The following OXR1 variants were observed in gnomAD, a reference collection of about 807,000 sequenced individuals.
The protein encoded by OXR1 is oxidation resistance 1.
A neutral mutation model predicts 104.6 loss-of-function variants in OXR1; 41 were observed. The ratio of observed to expected loss-of-function variants is 0.39; its 90% CI spans 0.31 to 0.51. The LOEUF is 0.51. Among genes scored for constraint, OXR1 ranks in the 20% least tolerant of loss-of-function variants. OXR1 has a pLI of 0.77. For missense variants in OXR1, 955 were observed against 1,031.9 expected, an observed-to-expected ratio of 0.93 and a Z score of 1.02; for synonymous variants, 348 against 348.4, an observed-to-expected ratio of 1.00 and a Z score of 0.01.
At chr8:106,435,178 G>C (rs1280134711) in intron 2 of OXR1, among the ~76,000 whole-genome samples, 1 of 152,178 alleles carries the variant, frequency 6.6e-6, no homozygotes, top group Non-Finnish European at 1.5e-5. Flanking sequence ...TGCTGTGTTG[G>C]AGGAAGACAA....
At chr8:106,665,222 AAC>A (rs1021845385) in intron 3 of OXR1, among the ~76,000 whole-genome samples, 10 of 152,096 alleles carry the variant, frequency 6.6e-5, no homozygotes, top group African/African-American at 2.4e-4. Context: ...CACGCACACA[AAC>A]ACACACATTC....
At chr8:106,740,224 C>A in intron 13 of OXR1, 119 bp from the exon 14 acceptor site, 1 of 612,748 alleles carries the variant, frequency 1.6e-6, no homozygotes. Context: ...ATAATTTCTA[C>A]TGTTAATTTA....
intron 2 of OXR1, among the ~76,000 whole-genome samples, chr8:106,497,631 T>G (rs1201519254): frequency 6.6e-6 from 1 of 152,212 alleles, no homozygotes; most frequent in Non-Finnish European, 1.5e-5. Flanking sequence ...ACACCATAAA[T>G]GTGTATTTGA....
intron 1 of OXR1, among the ~76,000 whole-genome samples, chr8:106,315,521 C>A (rs773173522): frequency 3.3e-5 from 5 of 152,162 alleles, no homozygotes; most frequent in Non-Finnish European, 7.4e-5. Context: ...AAAAATCCTT[C>A]TTTTCTGATA....
intron 14 of OXR1, among the ~76,000 whole-genome samples, chr8:106,741,261 A>C (rs1341742478): frequency 6.6e-6 from 1 of 152,180 alleles, no homozygotes; most frequent in African/African-American, 2.4e-5. Context: ...TGAATTAGAA[A>C]TCAAACACCA....
At chr8:106,521,710 C>A (rs553868960) in intron 3 of OXR1, among the ~76,000 whole-genome samples, 5 of 152,250 alleles carry the variant, frequency 3.3e-5, no homozygotes, top group African/African-American at 1.2e-4. Context: ...AACGGGGTTT[C>A]ACTGCGTTAG....
At chr8:106,336,865 A>T (rs1009183843) in intron 1 of OXR1, among the ~76,000 whole-genome samples, 1 of 152,208 alleles carries the variant, frequency 6.6e-6, no homozygotes, top group Admixed American at 6.5e-5. Context: ...TGTTGACATA[A>T]ACCCATGGCT....
At chr8:106,638,344 G>A (rs533705734) in intron 3 of OXR1, among the ~76,000 whole-genome samples, 4 of 151,006 alleles carry the variant, frequency 2.6e-5, no homozygotes, top group African/African-American at 9.7e-5. Context: ...TATTCTAACC[G>A]GGAATTACTA....
chr8:106,715,695 T>A (rs1832173176), intron 11 of OXR1, among the ~76,000 whole-genome samples: 1 of 152,100 alleles, frequency 6.6e-6, no homozygotes, highest in Non-Finnish European at 1.5e-5. Flanking sequence ...GGCAGAATTG[T>A]CAGTCATGAA....
At chr8:106,615,126 C>T (rs922949140) in intron 3 of OXR1, among the ~76,000 whole-genome samples, 1 of 152,070 alleles carries the variant, frequency 6.6e-6, no homozygotes, top group Non-Finnish European at 1.5e-5. Flanking sequence ...TGAGACTAGC[C>T]TGGGCAACAT....
At position 106,692,799 on chromosome 8, in the gene OXR1, A is replaced by C. The variant is rs371740005; in HGVS notation, c.597A>C (p.Val199=). 3.1e-6 allele frequency: 5 copies of C among 1,605,702 alleles called. No homozygotes were observed. Among genetic ancestry groups the C allele is most frequent in the Admixed American group, 1.7e-5 (1 of 59,590 alleles). ...TFTGIRPARV[V]SSTSEEEEAF... The stretch of plus-strand genomic sequence containing the variant: ...CTGGTATTCGACCTGCACGAGTTGT[A>C]TCTTCAACTTCTGAGGAGGAGGAAG... The change falls in exon 7 of 17, where the codon GTA becomes GTC. Residue 199 remains valine, a synonymous_variant. Transcript: ENST00000517566.
At chr8:106,358,341 T>G (rs1252378488) in intron 1 of OXR1, among the ~76,000 whole-genome samples, 1 of 152,208 alleles carries the variant, frequency 6.6e-6, no homozygotes, top group Non-Finnish European at 1.5e-5. Flanking sequence ...TTTCTTAAAC[T>G]TGTAGCCCAG....
intron 3 of OXR1, among the ~76,000 whole-genome samples, chr8:106,530,646 T>A (rs925322918): frequency 2.6e-5 from 4 of 152,158 alleles, no homozygotes; most frequent in African/African-American, 9.7e-5. Flanking sequence ...TTTACTATAG[T>A]TAAAAACTGT....
intron 1 of OXR1, among the ~76,000 whole-genome samples, chr8:106,278,838 G>A (rs1038815674): frequency 6.6e-6 from 1 of 152,092 alleles, no homozygotes; most frequent in Non-Finnish European, 1.5e-5. Context: ...CTTAAAATGG[G>A]AAAATAAAAT....
intron 3 of OXR1, among the ~76,000 whole-genome samples, chr8:106,567,906 AAAAT>A (rs1817198917): frequency 6.6e-6 from 1 of 152,198 alleles, no homozygotes; most frequent in South Asian, 2.1e-4. Context: ...AACAATGTCT[AAAAT>A]AAAGTAGAAT....
intron 2 of OXR1, among the ~76,000 whole-genome samples, chr8:106,494,526 C>T (rs1394219820): frequency 6.6e-6 from 1 of 152,224 alleles, no homozygotes; most frequent in East Asian, 1.9e-4. Flanking sequence ...CCCTCCCCAA[C>T]TCCCATCAGT....
At chr8:106,633,958 C>T (rs1374398848) in intron 3 of OXR1, among the ~76,000 whole-genome samples, 1 of 152,102 alleles carries the variant, frequency 6.6e-6, no homozygotes, top group Non-Finnish European at 1.5e-5. Context: ...TTAATAATGA[C>T]ATACAAAAAG....
intron 2 of OXR1, among the ~76,000 whole-genome samples, chr8:106,505,449 C>T (rs1422510195): frequency 1.3e-5 from 2 of 152,164 alleles, no homozygotes; most frequent in Admixed American, 6.5e-5. Flanking sequence ...ATCAGAGTGT[C>T]TAATGAAATG....
intron 14 of OXR1, 101 bp from the exon 15 acceptor site, chr8:106,742,121 A>G: frequency 7.0e-6 from 5 of 712,720 alleles, no homozygotes; most frequent in African/African-American, 3.6e-5. Context: ...ACTATACCAG[A>G]TTTCTATTTT....
Sources: gnomAD v4.1 joint callset for allele counts (sites outside exome capture counted in the v4.1 genomes callset) on GRCh38, gnomAD v4.1.1 for gene constraint, MANE v1.5 for transcripts, NCBI Gene and HGNC (gene_info 2026-07-23, HGNC 2026-07-21) for gene names.